CNTLN: variants seen among roughly 807,000 people sequenced by gnomAD.
CNTLN encodes centlein, also known as centlein, centrosomal protein.
In CNTLN, 212 loss-of-function variants were observed where a neutral mutation model predicts 180.0. The ratio of observed to expected loss-of-function variants is 1.18; its 90% CI spans 1.05 to 1.32. The LOEUF is 1.32. Ranked by LOEUF, CNTLN falls within the 40% of genes most tolerant of loss-of-function variation. CNTLN has a pLI of 0.00. For synonymous variants in CNTLN, 722 were observed against 563.1 expected (o/e 1.28, Z -3.99); for missense variants, 2,095 against 1,610.9 (o/e 1.30, Z -5.14).
intron 12 of CNTLN, among the ~76,000 whole-genome samples, chr9:17,354,882 C>T (rs145440938): frequency 0.012 from 1,753 of 152,208 alleles, 38 homozygotes; most frequent in African/African-American, 0.04. Flanking sequence ...AGCTGTAACA[C>T]CGCCAAGATC....
chr9:17,407,493 CAAGATCCCCAA>C (rs925305172), intron 15 of CNTLN, among the ~76,000 whole-genome samples: 1 of 152,146 alleles, frequency 6.6e-6, no homozygotes, highest in Non-Finnish European at 1.5e-5. Flanking sequence ...ACAATAGAAT[CAAGATCCCCAA>C]AGATCTCAGT....
Position 17,330,766 on chromosome 9 carries a change from C to T in CNTLN, c.1476C>T (p.Phe492=), listed in dbSNP as rs200291548. 2.7e-5 allele frequency: 43 copies of T among 1,610,304 alleles called. No individual in the cohort carries two copies. The Admixed American group carries it at 5.4e-4, about 20-fold the overall frequency. Residue 492 remains phenylalanine (F), a synonymous_variant, in exon 9 of 26, where the codon TTC becomes TTT. Coordinates refer to ENST00000380647, the MANE Select transcript of CNTLN (RefSeq NM_017738.4). ...AAAACATATCTGCCAACAAGGGTTTCTCCCGAAAGAGCATCATGACAAGTG... is the reference window on the plus strand; with the variant it reads ...AAAACATATCTGCCAACAAGGGTTTTTCCCGAAAGAGCATCATGACAAGTG... ...LSENISANKG[F]SRKSIMTSAE...
At chr9:17,420,451 C>T (rs908059181) in intron 18 of CNTLN, among the ~76,000 whole-genome samples, 1 of 151,982 alleles carries the variant, frequency 6.6e-6, no homozygotes, top group African/African-American at 2.4e-5. Flanking sequence ...TTCTCTTTTT[C>T]TTGGTCTGGT....
At chr9:17,341,158 C>A (rs1821452650) in intron 11 of CNTLN, among the ~76,000 whole-genome samples, 1 of 152,054 alleles carries the variant, frequency 6.6e-6, no homozygotes, top group African/African-American at 2.4e-5. Flanking sequence ...TTGCAGATAT[C>A]ATTAGCAGTC....
chr9:17,353,670 G>T (rs887769595), intron 12 of CNTLN, among the ~76,000 whole-genome samples: 2 of 151,038 alleles, frequency 1.3e-5, no homozygotes, highest in Non-Finnish European at 2.9e-5. Context: ...TGTGATCTTG[G>T]CTCACTGCAA....
At chr9:17,187,465 A>C (rs1449283960) in intron 2 of CNTLN, among the ~76,000 whole-genome samples, 2 of 152,172 alleles carry the variant, frequency 1.3e-5, no homozygotes, top group Admixed American at 1.3e-4. Flanking sequence ...GTCATTATAG[A>C]AAATTTGAGA....
At chr9:17,232,576 C>G (rs1824881097) in intron 3 of CNTLN, among the ~76,000 whole-genome samples, 2 of 151,950 alleles carry the variant, frequency 1.3e-5, no homozygotes, top group South Asian at 2.1e-4. Flanking sequence ...AAGATATGCT[C>G]AAATTTTGTC....
At chr9:17,172,614 A>G (rs1820488336) in intron 2 of CNTLN, among the ~76,000 whole-genome samples, 1 of 152,070 alleles carries the variant, frequency 6.6e-6, no homozygotes, top group African/African-American at 2.4e-5. Context: ...TATTTTTCAT[A>G]ATTGTAAAAA....
At chr9:17,291,462 G>A (rs1829401989) in intron 6 of CNTLN, among the ~76,000 whole-genome samples, 1 of 152,134 alleles carries the variant, frequency 6.6e-6, no homozygotes, top group African/African-American at 2.4e-5. Context: ...AGGTCTCTAA[G>A]AACTTGTTTT....
chr9:17,433,861 A>G (rs910430711), intron 18 of CNTLN, among the ~76,000 whole-genome samples: 1 of 152,204 alleles, frequency 6.6e-6, no homozygotes, highest in East Asian at 1.9e-4. Context: ...GATTATAGGC[A>G]TGAACTACCA....
intron 2 of CNTLN, among the ~76,000 whole-genome samples, chr9:17,191,630 A>G (rs1026351933): frequency 5.3e-5 from 8 of 152,240 alleles, no homozygotes; most frequent in Admixed American, 5.2e-4. Flanking sequence ...TGGTGAAATT[A>G]AGGAATAATA....
intron 8 of CNTLN, among the ~76,000 whole-genome samples, chr9:17,324,152 T>G (rs1820107385): frequency 6.6e-6 from 1 of 152,198 alleles, no homozygotes; most frequent in Admixed American, 6.5e-5. Context: ...GTTTTACTGG[T>G]GACATAAGTG....
At chr9:17,184,328 A>G (rs1423757510) in intron 2 of CNTLN, among the ~76,000 whole-genome samples, 1 of 152,122 alleles carries the variant, frequency 6.6e-6, no homozygotes. Flanking sequence ...AACAGAGCAC[A>G]TTTTTGTAGT....
chr9:17,421,934 C>A (rs892068161), intron 18 of CNTLN, among the ~76,000 whole-genome samples: 1 of 152,140 alleles, frequency 6.6e-6, no homozygotes, highest in Admixed American at 6.5e-5. Flanking sequence ...TTACACATCA[C>A]AATTACACTG....
chr9:17,509,700 G>A, the CNTLN span, among the ~76,000 whole-genome samples: 1 of 152,130 alleles, frequency 6.6e-6, no homozygotes, highest in Non-Finnish European at 1.5e-5. Context: ...CATAGCCAGG[G>A]TTCATGGATC....
intron 5 of CNTLN, among the ~76,000 whole-genome samples, chr9:17,265,980 A>G (rs1233748667): frequency 1.3e-5 from 2 of 151,906 alleles, no homozygotes; most frequent in Non-Finnish European, 2.9e-5. Context: ...TGATCTTTTC[A>G]AAAAACCAGC....
chr9:17,394,086 A>G (rs1564065439), intron 14 of CNTLN, among the ~76,000 whole-genome samples: 1 of 152,184 alleles, frequency 6.6e-6, no homozygotes, highest in Admixed American at 6.6e-5. Flanking sequence ...TTTAGAAAAA[A>G]AGCAGCCTCA....
At chr9:17,307,792 C>G (rs1413446214) in intron 7 of CNTLN, among the ~76,000 whole-genome samples, 2 of 151,888 alleles carry the variant, frequency 1.3e-5, no homozygotes, top group African/African-American at 2.4e-5. Flanking sequence ...TGAACTAAAG[C>G]TTTACAATCT....
At chr9:17,494,434 G>T (rs566221044) in intron 25 of CNTLN, among the ~76,000 whole-genome samples, 1 of 151,980 alleles carries the variant, frequency 6.6e-6, no homozygotes, top group African/African-American at 2.4e-5. Flanking sequence ...AACTCATGTC[G>T]TGGGGGTTTG....
Sources: allele counts gnomAD v4.1 joint callset (sites outside exome capture counted in the v4.1 genomes callset), GRCh38; gene constraint gnomAD v4.1.1; transcripts MANE v1.5; gene names NCBI Gene and HGNC (gene_info 2026-07-23, HGNC 2026-07-21).